USP9X: variants seen among roughly 807,000 people sequenced by gnomAD.
USP9X encodes the protein ubiquitin carboxyl-terminal hydrolase 9X.
Under a neutral mutation model 190.3 loss-of-function variants are expected in USP9X, and 7 were observed. That is an observed-to-expected ratio of 0.04 (90% CI 0.02 to 0.07). The LOEUF (loss-of-function observed/expected upper bound fraction) is 0.07. Ranked by LOEUF, USP9X falls within the 10% of genes least tolerant of loss-of-function variation. USP9X has a pLI of 1.00. For missense variants in USP9X, 1,010 were observed against 1,916.9 expected (o/e 0.53, Z 8.83); for synonymous variants, 645 against 659.5 (o/e 0.98, Z 0.34).
chrX:41,177,764 T>A (rs1290533524), intron 21 of USP9X, among the ~76,000 whole-genome samples: 1 of 111,770 alleles, frequency 8.9e-6, no homozygotes, highest in Non-Finnish European at 1.9e-5. Context: ...TATAAGGTAG[T>A]GCTTTGTTTT....
rs764754082 is a variant in USP9X, at chrX:41,190,702, T to G, written c.3977+1227T>G. ...TTATTTCATCTCTTAGTCTACTAAC[T>G]ATTAAGGAACTTGATTTAACAGGGT... On this transcript the variant is annotated intron_variant, in intron 26 of 44. Coordinates refer to ENST00000378308, the MANE Select transcript of USP9X (RefSeq NM_001039591.3). Among the ~76,000 whole-genome samples, 59 of 111,804 alleles carry G rather than the reference T, an allele frequency of 5.3e-4. No homozygotes were observed. The Middle Eastern group carries it at 0.014, about 26-fold the overall frequency.
chrX:41,157,684 T>G (rs374124346), intron 14 of USP9X, among the ~76,000 whole-genome samples: 4 of 111,614 alleles, frequency 3.6e-5, no homozygotes, highest in East Asian at 5.7e-4. Context: ...GTATTCAGGT[T>G]GTTGTTGCAT....
At chrX:41,101,774 C>T (rs914532675) in intron 1 of USP9X, among the ~76,000 whole-genome samples, 2 of 112,483 alleles carry the variant, frequency 1.8e-5, no homozygotes, top group Non-Finnish European at 3.8e-5. Flanking sequence ...ACAGAAACAA[C>T]CCAAATGTCC....
chrX:41,104,422 A>G (rs752435542), intron 1 of USP9X, among the ~76,000 whole-genome samples: 6 of 112,263 alleles, frequency 5.3e-5, no homozygotes, highest in Admixed American at 9.5e-5. Context: ...AAATAATTTT[A>G]AAATGTGGTA....
intron 23 of USP9X, among the ~76,000 whole-genome samples, chrX:41,185,744 ATACT>A (rs1248811023): frequency 9.1e-6 from 1 of 110,423 alleles, no homozygotes; most frequent in Non-Finnish European, 1.9e-5. Context: ...CCTGACACAG[ATACT>A]TAATGAAGTA....
At chrX:41,092,571 C>T (rs188240993) in intron 1 of USP9X, among the ~76,000 whole-genome samples, 25 of 111,469 alleles carry the variant, frequency 2.2e-4, no homozygotes, top group Admixed American at 2.9e-4. Context: ...ATAGTAAATA[C>T]TTTGGACTTT....
At chrX:41,166,268 C>A in intron 16 of USP9X, 54 bp downstream of exon 16, 1 of 880,624 alleles carries the variant, frequency 1.1e-6, no homozygotes, top group Non-Finnish European at 1.6e-6. Flanking sequence ...TTTTCATGTA[C>A]GTAAGGAATT....
chrX:41,167,255 C>T, intron 16 of USP9X: 1 of 256,041 alleles, frequency 3.9e-6, no homozygotes, highest in Non-Finnish European at 7.0e-6. Context: ...TTTATTTTTA[C>T]AAAAATGTAC....
chrX:41,219,313 AATCTG>A, intron 38 of USP9X, 82 bp downstream of exon 38: 1 of 981,001 alleles, frequency 1.0e-6, no homozygotes, highest in Non-Finnish European at 1.4e-6. Flanking sequence ...GATGAAATAT[AATCTG>A]ATCTGAAGTA....
intron 1 of USP9X, among the ~76,000 whole-genome samples, chrX:41,093,204 C>T: frequency 8.9e-6 from 1 of 111,860 alleles, no homozygotes; most frequent in East Asian, 2.8e-4. Flanking sequence ...AACTCTGAAC[C>T]TCCTTTCCTT....
chrX:41,088,453 T>C (rs1348458926), intron 1 of USP9X, among the ~76,000 whole-genome samples: 2 of 112,633 alleles, frequency 1.8e-5, no homozygotes, highest in Non-Finnish European at 3.7e-5. Flanking sequence ...GATTAGTTGG[T>C]CACACAACAA....
intron 1 of USP9X, among the ~76,000 whole-genome samples, chrX:41,092,879 ATTT>A (rs959992907): frequency 3.8e-5 from 4 of 105,826 alleles, no homozygotes; most frequent in African/African-American, 1.0e-4. Context: ...AAGAGCAGTG[ATTT>A]TTTTTTTTAA....
chrX:41,176,053 G>A (rs960195126), intron 21 of USP9X, among the ~76,000 whole-genome samples: 2 of 111,094 alleles, frequency 1.8e-5, no homozygotes, highest in African/African-American at 6.6e-5. Flanking sequence ...ACCATGCCTG[G>A]CCAAACTCTC....
At chrX:41,105,154 T>C (rs925242054) in intron 1 of USP9X, among the ~76,000 whole-genome samples, 1 of 111,267 alleles carries the variant, frequency 9.0e-6, no homozygotes. Flanking sequence ...TGCATAAATA[T>C]CAGGTGGAAC....
At chrX:41,145,672 A>AT (rs1043927795) in intron 11 of USP9X, among the ~76,000 whole-genome samples, 1 of 111,747 alleles carries the variant, frequency 8.9e-6, no homozygotes, top group Non-Finnish European at 1.9e-5. Context: ...CTTGCCGTGT[A>AT]TTATTTTTTA....
At chrX:41,140,304 C>T (rs935705642) in intron 6 of USP9X, among the ~76,000 whole-genome samples, 2 of 112,008 alleles carry the variant, frequency 1.8e-5, no homozygotes, top group Non-Finnish European at 3.8e-5. Flanking sequence ...TGAAGTCTTT[C>T]TGCCTCCTGA....
In USP9X at chrX:41,196,379, G is replaced by T; in HGVS notation, c.4086+20G>T. 8.4e-7 allele frequency: 1 copy of T among 1,189,314 alleles called. No individual in the cohort carries two copies. Among genetic ancestry groups the T allele is most frequent in the Non-Finnish European group, 1.1e-6 (1 of 879,498 alleles). On this transcript the variant is annotated intron_variant, in intron 27 of 44. Coordinates refer to ENST00000378308, the MANE Select transcript of USP9X (RefSeq NM_001039591.3). Reference sequence around the variant, plus strand: ...TTGGGGGTGAGACTTTTTAAAATATGCTTATCAATGTGATTCATTCTTTAA... The same window carrying T: ...TTGGGGGTGAGACTTTTTAAAATATTCTTATCAATGTGATTCATTCTTTAA...
rs1259774753 is a variant in USP9X at position 41,229,773 on chromosome X, A to G, written c.7425A>G (p.Pro2475=). 1.6e-6 allele frequency: 2 copies of G among 1,212,294 alleles called. No homozygotes were observed. The highest frequency in any genetic ancestry group is 2.2e-6 in the Non-Finnish European group (2 of 895,616). ...TTGCAAAAGCTTGTGAACTCTGTCC[A>G]GAGGAGGTAAAAAAAGCCACCAGTG... ...MTLAKACELC[P]EEEPDDQDAP... Residue 2475 remains proline, a synonymous_variant, in exon 43 of 45, where the codon CCA becomes CCG. Transcript: ENST00000378308.
intron 2 of USP9X, among the ~76,000 whole-genome samples, chrX:41,125,718 T>TCTCGCGCGCG (rs1176200100): frequency 1.0e-4 from 10 of 99,194 alleles, no homozygotes; most frequent in African/African-American, 4.1e-4. Flanking sequence ...TCTCTCTCTC[T>TCTCGCGCGCG]CGCGCACGCG....
Sources: gnomAD v4.1 joint callset for allele counts (sites outside exome capture counted in the v4.1 genomes callset) on GRCh38, gnomAD v4.1.1 for gene constraint, MANE v1.5 for transcripts, NCBI Gene and HGNC (gene_info 2026-07-23, HGNC 2026-07-21) for gene names.